Variants in METTL16 observed in about 807,000 individuals in gnomAD.
METTL16 encodes RNA N(6)-adenosine-methyltransferase METTL16.
In METTL16, 19 loss-of-function variants were observed where a neutral mutation model predicts 57.9. The observed-to-expected ratio is 0.33, with a 90% CI of 0.23 to 0.48. The LOEUF is 0.48. Ranked by LOEUF, METTL16 falls within the 20% of genes least tolerant of loss-of-function variation. METTL16 has a pLI of 0.99. For missense variants in METTL16, 434 were observed against 691.5 expected, an observed-to-expected ratio of 0.63 and a Z score of 4.18; for synonymous variants, 246 against 255.6, an observed-to-expected ratio of 0.96 and a Z score of 0.36.
chr17:2,455,853 T>A (rs1229065394), intron 6 of METTL16, among the ~76,000 whole-genome samples: 2 of 152,024 alleles, frequency 1.3e-5, no homozygotes, highest in African/African-American at 4.8e-5. Flanking sequence ...CATGGTGTTG[T>A]GCACGTATAG....
At chr17:2,480,233 G>A (rs1482484820) in intron 2 of METTL16, among the ~76,000 whole-genome samples, 1 of 150,862 alleles carries the variant, frequency 6.6e-6, no homozygotes, top group African/African-American at 2.4e-5. Context: ...ACCTTTCACA[G>A]GAAAAGACCT....
At chr17:2,432,322 C>G (rs889081385) in intron 8 of METTL16, among the ~76,000 whole-genome samples, 2 of 152,152 alleles carry the variant, frequency 1.3e-5, no homozygotes, top group African/African-American at 4.8e-5. Context: ...AATCCCAGCA[C>G]TGTGGGAGGC....
intron 5 of METTL16, among the ~76,000 whole-genome samples, chr17:2,464,703 G>A (rs905465301): frequency 6.6e-6 from 1 of 151,886 alleles, no homozygotes; most frequent in Non-Finnish European, 1.5e-5. Flanking sequence ...GCATTTTCAC[G>A]GTTTTGCTTT....
chr17:2,447,719 C>T (rs1355620885), intron 6 of METTL16, among the ~76,000 whole-genome samples: 11 of 140,960 alleles, frequency 7.8e-5, no homozygotes, highest in Non-Finnish European at 9.4e-5. Context: ...GGGTCAGCCC[C>T]CCGCCCGGCC....
intron 8 of METTL16, among the ~76,000 whole-genome samples, chr17:2,432,703 C>T (rs1183436932): frequency 6.6e-6 from 1 of 151,980 alleles, no homozygotes; most frequent in Non-Finnish European, 1.5e-5. Flanking sequence ...GAGGAATCTC[C>T]AGGCAGAGGG....
intron 2 of METTL16, among the ~76,000 whole-genome samples, chr17:2,500,415 G>C (rs1406677182): frequency 6.6e-6 from 1 of 152,060 alleles, no homozygotes; most frequent in Non-Finnish European, 1.5e-5. Context: ...GGAGTAGCTG[G>C]GATTACAGGC....
intron 5 of METTL16, among the ~76,000 whole-genome samples, chr17:2,464,874 G>A (rs890745095): frequency 6.6e-6 from 1 of 152,022 alleles, no homozygotes; most frequent in Non-Finnish European, 1.5e-5. Context: ...ATTAGGCAAC[G>A]GTTTCTGAGA....
intron 4 of METTL16, among the ~76,000 whole-genome samples, chr17:2,471,638 A>T (rs2067236137): frequency 6.6e-6 from 1 of 151,934 alleles, no homozygotes; most frequent in Admixed American, 6.6e-5. Flanking sequence ...AAATACAAAA[A>T]ATTGGCCAGG....
chr17:2,474,936 T>A (rs886931706), intron 3 of METTL16, among the ~76,000 whole-genome samples: 1 of 152,102 alleles, frequency 6.6e-6, no homozygotes, highest in Admixed American at 6.6e-5. Context: ...TCTCTTACAA[T>A]ATTGACTATC....
intron 8 of METTL16, among the ~76,000 whole-genome samples, chr17:2,427,632 T>G (rs1388439158): frequency 6.6e-6 from 1 of 151,988 alleles, no homozygotes; most frequent in Non-Finnish European, 1.5e-5. Context: ...TTTTAAGAGA[T>G]AGGGTCTTCT....
chr17:2,509,770 G>A (rs1245957286), intron 1 of METTL16, among the ~76,000 whole-genome samples: 3 of 152,092 alleles, frequency 2.0e-5, no homozygotes, highest in African/African-American at 7.2e-5. Flanking sequence ...AAAATTAGCT[G>A]GGTGTGGTGG....
At chr17:2,478,754 C>G (rs868073855) in intron 2 of METTL16, among the ~76,000 whole-genome samples, 1 of 152,198 alleles carries the variant, frequency 6.6e-6, no homozygotes, top group Non-Finnish European at 1.5e-5. Context: ...GTCTTCTGGT[C>G]ACTTAACACA....
At chr17:2,463,523 A>G (rs771238083) in intron 6 of METTL16, among the ~76,000 whole-genome samples, 14 of 152,120 alleles carry the variant, frequency 9.2e-5, no homozygotes, top group Middle Eastern at 6.8e-3. Context: ...GCGCAGTGGC[A>G]TGATCTCGGC....
At chr17:2,466,959 T>G (rs991086518) in intron 5 of METTL16, among the ~76,000 whole-genome samples, 1 of 151,812 alleles carries the variant, frequency 6.6e-6, no homozygotes, top group Admixed American at 6.6e-5. Context: ...CACGCCATAG[T>G]GCCTGGTTAA....
chr17:2,507,238 G>T (rs1414985221), intron 1 of METTL16, among the ~76,000 whole-genome samples: 117 of 145,964 alleles, frequency 8.0e-4, no homozygotes, highest in Non-Finnish European at 1.5e-3. Context: ...CGCCCCGACC[G>T]GGAGGTGAGG....
Position 2,418,147 on chromosome 17 carries a change from C to A in METTL16, c.*1823G>T, listed in dbSNP as rs199886440. ...CTTAATCCTTAGTGGGTTATTGACC[C>A]CTTTGTCTGTGTCTGAGGGTTCTGG... On this transcript the variant is annotated 3_prime_UTR_variant, in exon 10 of 10. Transcript: ENST00000263092. 8.5e-6 allele frequency: 1 copy of A among 117,486 alleles called. No homozygotes were observed. Among genetic ancestry groups the A allele is most frequent in the Non-Finnish European group, 2.0e-5 (1 of 51,172 alleles). The allele number at this position is 117,486 out of a possible 1,614,324, so 7.3% of individuals were successfully genotyped here.
intron 2 of METTL16, among the ~76,000 whole-genome samples, chr17:2,493,739 T>C (rs1178776617): frequency 6.7e-6 from 1 of 149,920 alleles, no homozygotes; most frequent in African/African-American, 2.5e-5. Flanking sequence ...AAAAAACCAT[T>C]GTAAAAATGA....
chr17:2,461,151 G>C (rs1194789432), intron 6 of METTL16, among the ~76,000 whole-genome samples: 1 of 151,928 alleles, frequency 6.6e-6, no homozygotes, highest in Non-Finnish European at 1.5e-5. Context: ...TCAAGACTTC[G>C]AGACCAGCCT....
intron 6 of METTL16, among the ~76,000 whole-genome samples, chr17:2,446,850 C>T (rs555200360): frequency 1.2e-4 from 18 of 152,258 alleles, no homozygotes; most frequent in South Asian, 1.0e-3. Context: ...CCCGGGGTGC[C>T]GGGATTGCGG....
Sources: allele counts gnomAD v4.1 joint callset (sites outside exome capture counted in the v4.1 genomes callset), GRCh38; gene constraint gnomAD v4.1.1; transcripts MANE v1.5; gene names NCBI Gene and HGNC (gene_info 2026-07-23, HGNC 2026-07-21).